RBFOX1: variants seen among roughly 807,000 people sequenced by gnomAD.
RBFOX1 encodes the protein RNA binding fox-1 homolog 1.
RBFOX1 carries 8 observed loss-of-function variants against 57.7 expected under a neutral mutation model. The observed-to-expected ratio is 0.14, with a 90% CI of 0.08 to 0.25. The LOEUF is 0.25. Ranked by LOEUF, RBFOX1 falls within the 10% of genes least tolerant of loss-of-function variation. The pLI, the probability that RBFOX1 is intolerant of heterozygous loss-of-function variation, is 1.00. For synonymous variants in RBFOX1, 326 were observed against 222.4 expected, an observed-to-expected ratio of 1.47 and a Z score of -4.15; for missense variants, 611 against 548.5, an observed-to-expected ratio of 1.11 and a Z score of -1.14.
At chr16:7,555,475 C>T (rs1367554167) in intron 5 of RBFOX1, among the ~76,000 whole-genome samples, 4 of 152,104 alleles carry the variant, frequency 2.6e-5, no homozygotes, top group Non-Finnish European at 2.9e-5. Context: ...TATAAGAGGA[C>T]CCTGTGTACT....
intron 14 of RBFOX1, among the ~76,000 whole-genome samples, chr16:7,688,724 T>C (rs1017821023): frequency 2.6e-5 from 4 of 152,106 alleles, no homozygotes; most frequent in African/African-American, 9.7e-5. Flanking sequence ...TATAAAACCA[T>C]CTTAAAAGAT....
intron 3 of RBFOX1, among the ~76,000 whole-genome samples, chr16:5,833,776 T>A (rs9926091): frequency 0.74 from 112,851 of 152,054 alleles, 41,877 homozygotes; most frequent in East Asian, 0.82. Flanking sequence ...CTTGTCTTTC[T>A]ACTTAGTTAG....
chr16:6,700,428 C>A (rs1243616340), intron 3 of RBFOX1, among the ~76,000 whole-genome samples: 1 of 152,004 alleles, frequency 6.6e-6, no homozygotes, highest in Non-Finnish European at 1.5e-5. Context: ...GAGGCCGAAG[C>A]AGGCGGATCA....
At chr16:7,646,928 T>C (rs1304735996) in intron 11 of RBFOX1, among the ~76,000 whole-genome samples, 1 of 151,938 alleles carries the variant, frequency 6.6e-6, no homozygotes, top group Non-Finnish European at 1.5e-5. Context: ...GCAGGGCTCA[T>C]TGGAGGTGGG....
At chr16:7,184,229 G>A (rs1389543656) in intron 4 of RBFOX1, among the ~76,000 whole-genome samples, 1 of 152,182 alleles carries the variant, frequency 6.6e-6, no homozygotes, top group Non-Finnish European at 1.5e-5. Flanking sequence ...AGATCAAGGA[G>A]GACTTCTTTG....
chr16:7,157,165 C>T (rs908065872), intron 4 of RBFOX1, among the ~76,000 whole-genome samples: 3 of 152,308 alleles, frequency 2.0e-5, no homozygotes, highest in East Asian at 3.9e-4. Context: ...GCAAACTCAC[C>T]TGAGCATCGT....
chr16:7,498,751 G>A (rs911757679), intron 4 of RBFOX1, among the ~76,000 whole-genome samples: 1 of 152,118 alleles, frequency 6.6e-6, no homozygotes, highest in Non-Finnish European at 1.5e-5. Flanking sequence ...TGGCTACCAT[G>A]TTAGGACAGC....
chr16:7,125,262 G>A (rs1403310446), intron 4 of RBFOX1, among the ~76,000 whole-genome samples: 1 of 152,152 alleles, frequency 6.6e-6, no homozygotes, highest in East Asian at 1.9e-4. Flanking sequence ...TTGTCGTTCA[G>A]CCTTTCTAAC....
intron 4 of RBFOX1, among the ~76,000 whole-genome samples, chr16:5,970,086 G>T (rs2152298034): frequency 6.6e-6 from 1 of 152,218 alleles, no homozygotes; most frequent in East Asian, 1.9e-4. Context: ...TGGTCACGAT[G>T]GGTGTCTCCT....
intron 3 of RBFOX1, among the ~76,000 whole-genome samples, chr16:6,655,385 A>C (rs1602993600): frequency 7.7e-6 from 1 of 130,316 alleles, no homozygotes; most frequent in African/African-American, 2.6e-5. Context: ...AAAAAAAAAA[A>C]AAAAAAAAAA....
intron 4 of RBFOX1, among the ~76,000 whole-genome samples, chr16:5,877,872 C>G (rs1241181259): frequency 6.6e-6 from 1 of 152,178 alleles, no homozygotes; most frequent in African/African-American, 2.4e-5. Flanking sequence ...TGATGATAAA[C>G]TGGTATGGCA....
intron 1 of RBFOX1, among the ~76,000 whole-genome samples, chr16:6,073,171 A>G (rs1057226648): frequency 6.6e-6 from 1 of 152,190 alleles, no homozygotes; most frequent in Non-Finnish European, 1.5e-5. Context: ...ACAAGTTGAT[A>G]ACTAAGCCTT....
intron 4 of RBFOX1, among the ~76,000 whole-genome samples, chr16:7,166,188 A>G (rs1379413390): frequency 6.6e-6 from 1 of 151,812 alleles, no homozygotes; most frequent in Non-Finnish European, 1.5e-5. Flanking sequence ...TAATTTTTGT[A>G]TTGTCAGTGG....
chr16:6,404,781 G>A (rs2093214685), intron 2 of RBFOX1, among the ~76,000 whole-genome samples: 1 of 152,122 alleles, frequency 6.6e-6, no homozygotes, highest in African/African-American at 2.4e-5. Context: ...CTTCAAAGAA[G>A]AGCAGATCTC....
chr16:5,240,261 C>A (rs1039100523), intron 1 of RBFOX1, among the ~76,000 whole-genome samples: 1 of 152,000 alleles, frequency 6.6e-6, no homozygotes, highest in African/African-American at 2.4e-5. Context: ...CTCGTGACGG[C>A]CTCCGAGACG....
rs557501327 is a variant in RBFOX1 at position 5,503,853 on chromosome 16, C to T, written c.258+36599C>T. Among the ~76,000 whole-genome samples the T allele has an allele frequency of 2.6e-5, 4 of 152,310 alleles. No homozygotes were observed. In the South Asian group the frequency reaches 6.2e-4, roughly 24 times the overall value. On this transcript the variant is annotated intron_variant, in intron 2 of 2. Transcript: ENST00000585867. ...ACTCTCTACTCTTAAGCTATCAAAC[C>T]CCTATTGTCTGGTCCTCCCAGCCCC...
intron 1 of RBFOX1, among the ~76,000 whole-genome samples, chr16:5,391,822 A>G (rs909562681): frequency 6.6e-6 from 1 of 151,442 alleles, no homozygotes; most frequent in African/African-American, 2.4e-5. Context: ...GTGTGTGTGT[A>G]TATATATACA....
intron 4 of RBFOX1, among the ~76,000 whole-genome samples, chr16:7,147,406 T>C (rs888945097): frequency 6.6e-6 from 1 of 151,334 alleles, no homozygotes; most frequent in African/African-American, 2.4e-5. Context: ...GGTAGACAAA[T>C]GATCCTGTCA....
intron 1 of RBFOX1, among the ~76,000 whole-genome samples, chr16:5,370,798 C>G (rs1028509617): frequency 2.6e-5 from 4 of 151,696 alleles, no homozygotes; most frequent in Non-Finnish European, 4.4e-5. Flanking sequence ...TGGCCTCTTC[C>G]TCTTCCTTTC....
Sources: gnomAD v4.1 joint callset for allele counts (sites outside exome capture counted in the v4.1 genomes callset) on GRCh38, gnomAD v4.1.1 for gene constraint, MANE v1.5 for transcripts, NCBI Gene and HGNC (gene_info 2026-07-23, HGNC 2026-07-21) for gene names.